Variants in TF observed in about 807,000 individuals in gnomAD.
The protein encoded by TF is transferrin.
TF carries 55 observed loss-of-function variants against 82.4 expected under a neutral mutation model. That is an observed-to-expected ratio of 0.67 (90% confidence interval 0.54 to 0.84). The LOEUF (loss-of-function observed/expected upper bound fraction) is 0.84. TF is among the 40% of genes least tolerant of loss of function. TF has a pLI of 0.00. For missense variants in TF, 737 were observed against 868.4 expected (o/e 0.85, Z 1.90); for synonymous variants, 332 against 332.6 (o/e 1.00, Z 0.02).
chr3:133,771,064 A>C (rs1934246315), intron 14 of TF: 1 of 169,988 alleles, frequency 5.9e-6, no homozygotes, highest in South Asian at 1.5e-4. Context: ...AGTAAGCACC[A>C]AGATATTGGC....
At chr3:133,772,601 C>G (rs8177297) in intron 14 of TF, among the ~76,000 whole-genome samples, 1 of 152,112 alleles carries the variant, frequency 6.6e-6, no homozygotes, top group Admixed American at 6.5e-5. Flanking sequence ...TCAACGTTCC[C>G]TCCTCTTCTC....
In TF at chr3:133,757,751, C is replaced by G. The variant is rs1482896479; in HGVS notation, c.871-18C>G. On this transcript the variant is annotated intron_variant, in intron 7 of 16. Transcript: ENST00000402696. Reference sequence around the variant, plus strand: ...TTCTTCTGTGTTGCCATCCACTATTCTGTTTTTCTATGAACAGGAACATTT... The same window carrying G: ...TTCTTCTGTGTTGCCATCCACTATTGTGTTTTTCTATGAACAGGAACATTT... 6.2e-7 allele frequency: 1 copy of G among 1,610,856 alleles called. No homozygotes were observed. Among genetic ancestry groups the G allele is most frequent in the Non-Finnish European group, 8.5e-7 (1 of 1,177,014 alleles).
the TF span, among the ~76,000 whole-genome samples, chr3:133,669,394 C>T: frequency 3.3e-5 from 5 of 152,202 alleles, no homozygotes; most frequent in African/African-American, 1.2e-4. Flanking sequence ...TCTGCTCAAA[C>T]TAAGACAAAA....
intron 14 of TF, 174 bp from the exon 15 acceptor site, chr3:133,775,259 C>A: frequency 1.5e-6 from 1 of 683,326 alleles, no homozygotes; most frequent in South Asian, 1.6e-5. Context: ...AGTCTGGCAT[C>A]ACCTTGTAGA....
At chr3:133,669,103 C>T in the TF span, among the ~76,000 whole-genome samples, 1 of 152,052 alleles carries the variant, frequency 6.6e-6, no homozygotes, top group Non-Finnish European at 1.5e-5. Context: ...CGGGTTCAAG[C>T]GATTTTCTTG....
the TF span, among the ~76,000 whole-genome samples, chr3:133,727,180 G>A: frequency 6.6e-6 from 1 of 152,186 alleles, no homozygotes; most frequent in Non-Finnish European, 1.5e-5. Flanking sequence ...TCAGCTTGGT[G>A]TAGAGCTGAG....
rs8177276 is a variant in TF at position 133,765,492 on chromosome 3, T to C, written c.1330+585T>C. Among the ~76,000 whole-genome samples the C allele has an allele frequency of 9.1e-3, 1,381 of 152,276 alleles. 20 individuals are homozygous for C. The highest frequency in any genetic ancestry group is 0.032 in the African/African-American group (1,327 of 41,558). Reference sequence around the variant, plus strand: ...CAAGTCAGGAAGTCTTACACCAAGGTGAGCACTGGCCCCCTATGCTCAGGC... The same window carrying C: ...CAAGTCAGGAAGTCTTACACCAAGGCGAGCACTGGCCCCCTATGCTCAGGC... On this transcript the variant is annotated intron_variant, in intron 11 of 16. Transcript: ENST00000402696.
the TF span, among the ~76,000 whole-genome samples, chr3:133,720,548 G>A: frequency 8.4e-4 from 128 of 152,068 alleles, no homozygotes; most frequent in African/African-American, 2.7e-3. Context: ...GTGTTGATCT[G>A]TAGTTTTCTT....
At position 133,766,371 on chromosome 3, in the gene TF, G is replaced by A. The variant is rs750204646; in HGVS notation, c.1424G>A (p.Arg475Lys). The A allele has an allele frequency of 1.9e-6, 3 of 1,614,248 alleles. No homozygotes were observed. The East Asian group carries it at 6.7e-5, about 36-fold the overall frequency. The change falls in exon 12 of 17, where the codon AGA becomes AAA. Residue 475 changes from arginine to lysine, a missense_variant. Transcript: ENST00000402696. Reference protein sequence around the residue: ...GKKSCHTAVGRTAGWNIPMGL... With the variant: ...GKKSCHTAVGKTAGWNIPMGL... ...AAGTCCTGCCATACGGCAGTTGGCA[G>A]AACCGCTGGCTGGAACATCCCCATG...
chr3:133,677,730 C>T, the TF span, among the ~76,000 whole-genome samples: 1 of 151,948 alleles, frequency 6.6e-6, no homozygotes, highest in African/African-American at 2.4e-5. Context: ...GTCACCTAGG[C>T]TGGAGTGCAG....
At chr3:133,754,457 C>G (rs764498621) in intron 3 of TF, 38 bp from the exon 4 acceptor site, 3 of 1,608,170 alleles carry the variant, frequency 1.9e-6, no homozygotes, top group Non-Finnish European at 2.6e-6. Flanking sequence ...TTCCCTGCAC[C>G]AGGCTGAGGG....
chr3:133,672,586 G>A, the TF span, among the ~76,000 whole-genome samples: 1 of 152,022 alleles, frequency 6.6e-6, no homozygotes, highest in South Asian at 2.1e-4. Context: ...AAGGAGTCCA[G>A]CGTGGTGGTG....
chr3:133,753,873 T>C (rs374303055), intron 3 of TF, 170 bp downstream of exon 3: 871 of 692,428 alleles, frequency 1.3e-3, no homozygotes, highest in Non-Finnish European at 1.7e-3. Flanking sequence ...TCAAGGCCTC[T>C]GGGGGCTTTG....
chr3:133,746,311 C>A, upstream of TF: 2 of 1,097,458 alleles, frequency 1.8e-6, no homozygotes, highest in South Asian at 2.7e-5. Context: ...AACCCGGCTG[C>A]ACAAACACGG....
At chr3:133,748,099 C>T (rs1933554176) in intron 1 of TF, 1 of 431,978 alleles carries the variant, frequency 2.3e-6, no homozygotes, top group South Asian at 2.3e-5. Flanking sequence ...GGCCAGGGGC[C>T]AGGACAGTGA....
chr3:133,748,184 C>G, intron 1 of TF: 1 of 596,184 alleles, frequency 1.7e-6, no homozygotes, highest in Non-Finnish European at 3.0e-6. Flanking sequence ...GCCTGCACCC[C>G]TCTGGCCAGC....
chr3:133,729,428 C>T, the TF span, among the ~76,000 whole-genome samples: 1 of 152,202 alleles, frequency 6.6e-6, no homozygotes, highest in South Asian at 2.1e-4. Context: ...TGCTAGCAAT[C>T]AGTGAGACTC....
chr3:133,739,134 G>C, the TF span, among the ~76,000 whole-genome samples: 1 of 152,160 alleles, frequency 6.6e-6, no homozygotes, highest in Non-Finnish European at 1.5e-5. Flanking sequence ...CAATGGAACA[G>C]AACAGAGGCC....
intron 15 of TF, among the ~76,000 whole-genome samples, chr3:133,776,440 T>A (rs868538118): frequency 1.2e-4 from 18 of 151,842 alleles, no homozygotes; most frequent in Middle Eastern, 3.2e-3. Flanking sequence ...TACCTTTTTT[T>A]AAAAAAAATA....
Sources: gnomAD v4.1 joint callset for allele counts (sites outside exome capture counted in the v4.1 genomes callset) on GRCh38, gnomAD v4.1.1 for gene constraint, MANE v1.5 for transcripts, NCBI Gene and HGNC (gene_info 2026-07-23, HGNC 2026-07-21) for gene names.